Variants in ALX4 observed in about 807,000 individuals in gnomAD.
ALX4 encodes homeobox protein aristaless-like 4.
A neutral mutation model predicts 40.6 loss-of-function variants in ALX4; 22 were observed. The ratio of observed to expected loss-of-function variants is 0.54; its 90% CI spans 0.39 to 0.77. The LOEUF is 0.77. Among genes scored for constraint, ALX4 ranks in the 30% least tolerant of loss-of-function variants. ALX4 has a pLI of 0.00. For synonymous variants in ALX4, 266 were observed against 240.5 expected (o/e 1.11, Z -0.98); for missense variants, 556 against 564.8 (o/e 0.98, Z 0.16).
intron 1 of ALX4, among the ~76,000 whole-genome samples, chr11:44,287,939 A>G (rs1956348554): frequency 6.6e-6 from 1 of 152,252 alleles, no homozygotes; most frequent in South Asian, 2.1e-4. Flanking sequence ...ACTTAGAGGC[A>G]AAGAGGCATA....
chr11:44,280,891 G>A (rs996689797), intron 1 of ALX4, among the ~76,000 whole-genome samples: 4 of 152,192 alleles, frequency 2.6e-5, no homozygotes, highest in Non-Finnish European at 5.9e-5. Context: ...CCCCCTGGGG[G>A]GACCCCCGTA....
intron 1 of ALX4, among the ~76,000 whole-genome samples, chr11:44,298,724 G>A (rs1214754966): frequency 2.0e-5 from 3 of 151,806 alleles, no homozygotes; most frequent in Admixed American, 2.0e-4. Context: ...TAGAGTTGGA[G>A]AAGACCAAGA....
chr11:44,265,131 G>C lies in ALX4; in HGVS notation c.959C>G (p.Ala320Gly), dbSNP rs754671277. 1 of 1,609,240 alleles carries C rather than the reference G, an allele frequency of 6.2e-7. No individual in the cohort carries two copies. The highest frequency in any genetic ancestry group is 1.3e-5 in the African/African-American group (1 of 74,884). ...GNNGAASPVPACVVPCDPVPA... is the reference protein window; with the variant it reads ...GNNGAASPVPGCVVPCDPVPA... The stretch of plus-strand genomic sequence containing the variant: ...CACCGGGTCGCAGGGGACCACGCAG[G>C]CTGGCACTGGTGAGGCAGCCCCGTT... The change falls in exon 4 of 4, where the codon GCC (alanine) becomes GGC (glycine). Residue 320 changes from alanine to glycine, a missense_variant. By Grantham distance (60) the Ala-to-Gly change is moderately conservative (BLOSUM62 0). Coordinates refer to ENST00000652299, the MANE Select transcript of ALX4 (RefSeq NM_021926.4).
chr11:44,274,286 A>C (rs1036155263), intron 2 of ALX4, among the ~76,000 whole-genome samples: 22 of 151,654 alleles, frequency 1.5e-4, no homozygotes, highest in Middle Eastern at 6.8e-3. Flanking sequence ...GTCAGGTTCC[A>C]TTGTGTTGTG....
At chr11:44,267,823 G>T (rs898971708) in intron 2 of ALX4, among the ~76,000 whole-genome samples, 10 of 152,178 alleles carry the variant, frequency 6.6e-5, no homozygotes, top group Non-Finnish European at 1.2e-4. Context: ...AGCTGGGAAG[G>T]TATCTTACCC....
intron 1 of ALX4, among the ~76,000 whole-genome samples, chr11:44,303,923 C>T (rs1440145360): frequency 6.6e-6 from 1 of 152,172 alleles, no homozygotes; most frequent in African/African-American, 2.4e-5. Context: ...GGGGTGTCCC[C>T]GGTTTATACA....
At chr11:44,267,643 ATTG>A in intron 2 of ALX4, 21 bp from the exon 3 acceptor site, 1 of 1,613,940 alleles carries the variant, frequency 6.2e-7, no homozygotes, top group East Asian at 2.2e-5. Context: ...CGAAAAAGCC[ATTG>A]TCACCAGGGT....
chr11:44,307,696 G>A (rs1007835930), intron 1 of ALX4, among the ~76,000 whole-genome samples: 5 of 152,356 alleles, frequency 3.3e-5, no homozygotes, highest in Middle Eastern at 3.4e-3. Flanking sequence ...TGACAGGGAC[G>A]AGCTGGGGCC....
chr11:44,303,598 C>T (rs72909932), intron 1 of ALX4, among the ~76,000 whole-genome samples: 7,090 of 152,276 alleles, frequency 0.047, 226 homozygotes, highest in Non-Finnish European at 0.07. Context: ...CTCTGCGTGG[C>T]TCTTCCTCGC....
chr11:44,306,741 C>T (rs1386722428), intron 1 of ALX4, among the ~76,000 whole-genome samples: 1 of 152,190 alleles, frequency 6.6e-6, no homozygotes, highest in Non-Finnish European at 1.5e-5. Flanking sequence ...GAATCGTTGT[C>T]AATGCATGCC....
At chr11:44,292,440 A>C (rs1377870417) in intron 1 of ALX4, among the ~76,000 whole-genome samples, 1 of 145,482 alleles carries the variant, frequency 6.9e-6, no homozygotes, top group Non-Finnish European at 1.5e-5. Context: ...GGCTGGTCTC[A>C]AACTCCTGGA....
intron 1 of ALX4, 128 bp from the exon 2 acceptor site, chr11:44,275,786 C>T (rs909511266): frequency 4.3e-5 from 37 of 864,818 alleles, no homozygotes; most frequent in East Asian, 1.6e-4. Context: ...TCATTGGATG[C>T]GAGGTCCGGA....
rs183044895 is a variant in ALX4 at position 44,301,947 on chromosome 11, C to T, written c.466+7650G>A. Among the ~76,000 whole-genome samples the T allele has an allele frequency of 3.7e-3, 560 of 152,270 alleles. 3 individuals carry two copies. The highest frequency in any genetic ancestry group is 0.01 in the Middle Eastern group (3 of 294). On this transcript the variant is annotated intron_variant, in intron 1 of 3. Transcript: ENST00000652299. ...CCGCAGTGTGGGTGGGCTGGATGGA[C>T]CATGTTCGAGGGCCCCAGGATGACG...
At chr11:44,273,954 T>C (rs1167962397) in intron 2 of ALX4, among the ~76,000 whole-genome samples, 1 of 151,596 alleles carries the variant, frequency 6.6e-6, no homozygotes, top group Non-Finnish European at 1.5e-5. Context: ...CCCAGTCTCT[T>C]TAAAAAAAAT....
rs1435348130 is a variant in ALX4, at chr11:44,263,161, A to C, written c.*1693T>G. 6.6e-6 allele frequency: 1 copy of C among 152,116 alleles called. No individual in the cohort carries two copies. Among genetic ancestry groups the C allele is most frequent in the Non-Finnish European group, 1.5e-5 (1 of 68,060 alleles). The allele number at this position is 152,116 out of a possible 1,614,324, so 9.4% of individuals were successfully genotyped here. ...CAACACCAAGTTTACCCTCCGCCCA[A>C]CCCAGGAGGCCTTTCTGTGTCCACG... is the stretch of plus-strand genomic sequence containing the variant. On this transcript the variant is annotated 3_prime_UTR_variant, in exon 4 of 4. Coordinates refer to ENST00000652299, the MANE Select transcript of ALX4 (RefSeq NM_021926.4).
intron 1 of ALX4, among the ~76,000 whole-genome samples, chr11:44,278,143 C>A (rs1213319955): frequency 6.6e-6 from 1 of 152,078 alleles, no homozygotes; most frequent in Non-Finnish European, 1.5e-5. Flanking sequence ...TCCCCAGGCC[C>A]CATCTCACAG....
chr11:44,264,548 G>A lies in ALX4; in HGVS notation c.*306C>T. ...AGGCAGAGCAGAGGAGTGGGCGGGA[G>A]CAAGAAAGCGCTTTCAGCTTATCAT... On this transcript the variant is annotated 3_prime_UTR_variant, in exon 4 of 4. Transcript: ENST00000652299. The A allele has an allele frequency of 2.0e-6, 1 of 490,486 alleles. No homozygotes were observed. Among genetic ancestry groups the A allele is most frequent in the Non-Finnish European group, 3.7e-6 (1 of 270,006 alleles). 30.4% of individuals were successfully genotyped at this position (490,486 alleles called of 1,614,324 possible).
chr11:44,301,176 G>A (rs931954233), intron 1 of ALX4, among the ~76,000 whole-genome samples: 1 of 152,254 alleles, frequency 6.6e-6, no homozygotes, highest in Non-Finnish European at 1.5e-5. Context: ...AGTCCCCTTT[G>A]TCTGTGAAAT....
chr11:44,295,851 G>A (rs897109693), intron 1 of ALX4, among the ~76,000 whole-genome samples: 14 of 152,226 alleles, frequency 9.2e-5, no homozygotes, highest in Non-Finnish European at 2.1e-4. Context: ...CTCATGGGAT[G>A]GTCAACTGAA....
Sources: gnomAD v4.1 joint callset for allele counts (sites outside exome capture counted in the v4.1 genomes callset) on GRCh38, gnomAD v4.1.1 for gene constraint, MANE v1.5 for transcripts, NCBI Gene and HGNC (gene_info 2026-07-23, HGNC 2026-07-21) for gene names.